The following SERPING1 variants were observed in gnomAD, a reference collection of about 807,000 sequenced individuals.
SERPING1 encodes plasma protease C1 inhibitor.
In SERPING1, 5 loss-of-function variants were observed where a neutral mutation model predicts 34.1. The ratio of observed to expected loss-of-function variants is 0.15; its 90% CI spans 0.08 to 0.31. The LOEUF (loss-of-function observed/expected upper bound fraction) is 0.31, where lower values mean the gene tolerates loss of function less well. SERPING1 is among the 10% of genes least tolerant of loss of function. The pLI, the probability that SERPING1 is intolerant of heterozygous loss-of-function variation, is 1.00. For missense variants in SERPING1, 505 were observed against 609.5 expected, an observed-to-expected ratio of 0.83 and a Z score of 1.81; for synonymous variants, 225 against 242.4, an observed-to-expected ratio of 0.93 and a Z score of 0.67.
In SERPING1 at chr11:57,599,886, C is replaced by T. The variant is rs750953819; in HGVS notation, c.59C>T (p.Ala20Val). ...LLLLLLAGDRASSNPNATSSS... is the reference protein window; with the variant it reads ...LLLLLLAGDRVSSNPNATSSS... ...CAGTTTCTTGAACCACAGGATAGAG[C>T]CTCCTCAAATCCAAATGCTACCAGC... is the stretch of plus-strand genomic sequence containing the variant. Residue 20 changes from alanine to valine, a missense_variant, in exon 3 of 8, where the codon GCC becomes GTC. Transcript: ENST00000278407. 1.9e-6 allele frequency: 3 copies of T among 1,614,178 alleles called. No homozygotes were observed. In the East Asian group the frequency reaches 6.7e-5, roughly 36 times the overall value.
chr11:57,607,558 C>A (rs973648185), intron 6 of SERPING1, among the ~76,000 whole-genome samples: 2 of 152,122 alleles, frequency 1.3e-5, no homozygotes, highest in African/African-American at 2.4e-5. Context: ...TAGAACAATG[C>A]CTCCTATCAT....
At position 57,602,478 on chromosome 11, in the gene SERPING1, T is replaced by C. The variant is rs564582549; in HGVS notation, c.685+309T>C. ...AAGATTAAGAAGCAGAAAGCCAGGC[T>C]GGGCGTGGTGGCTCACACCTGTAAT... On this transcript the variant is annotated intron_variant, in intron 4 of 7. Transcript: ENST00000278407. Among the ~76,000 whole-genome samples the C allele has an allele frequency of 4.8e-4, 73 of 152,246 alleles. 1 individual carries two copies. The highest frequency in any genetic ancestry group is 3.9e-3 in the Admixed American group (59 of 15,296).
In SERPING1 at chr11:57,602,105, C is replaced by T; in HGVS notation, c.621C>T (p.His207=). ...ACCCCAAGGACTTCACCTGTGTCCA[C>T]CAGGCCCTGAAGGGCTTCACGACCA... ...LSYPKDFTCV[H]QALKGFTTKG... Residue 207 remains histidine, a synonymous_variant, in exon 4 of 8, where the codon CAC becomes CAT. Transcript: ENST00000278407. 6.2e-7 allele frequency: 1 copy of T among 1,614,162 alleles called. No homozygotes were observed. Among genetic ancestry groups the T allele is most frequent in the Non-Finnish European group, 8.5e-7 (1 of 1,180,008 alleles).
intron 6 of SERPING1, among the ~76,000 whole-genome samples, chr11:57,608,755 G>A (rs892280852): frequency 6.6e-5 from 10 of 150,570 alleles, no homozygotes; most frequent in African/African-American, 1.7e-4. Flanking sequence ...TCAAGTGCTC[G>A]TCCGTCTTCG....
At chr11:57,599,838 C>T (rs907955363) in intron 2 of SERPING1, 41 bp from the exon 3 acceptor site, 18 of 1,613,808 alleles carry the variant, frequency 1.1e-5, no homozygotes, top group Middle Eastern at 1.6e-4. Context: ...GACTGTGCCT[C>T]GTAGTAAGAA....
At chr11:57,612,293 C>T (rs1175177094) in intron 7 of SERPING1, among the ~76,000 whole-genome samples, 2 of 152,150 alleles carry the variant, frequency 1.3e-5, no homozygotes, top group African/African-American at 4.8e-5. Context: ...TGCTCCTTCC[C>T]CAGACACATT....
At chr11:57,604,329 G>A (rs1321422727) in intron 4 of SERPING1, among the ~76,000 whole-genome samples, 1 of 152,014 alleles carries the variant, frequency 6.6e-6, no homozygotes, top group African/African-American at 2.4e-5. Flanking sequence ...TTATTAAGTA[G>A]GTAATAATGA....
chr11:57,598,335 T>A lies in SERPING1; in HGVS notation c.51+14T>A. 6.4e-7 allele frequency: 1 copy of A among 1,555,518 alleles called. No homozygotes were observed. The highest frequency in any genetic ancestry group is 8.7e-7 in the Non-Finnish European group (1 of 1,152,578). On this transcript the variant is annotated intron_variant, in intron 2 of 7. Transcript: ENST00000278407. ...CTGCTGGCTGGGGTATGTGGTCCCT[T>A]GTGGGATGGGGGACGGGGGTGGAGA...
chr11:57,601,422 C>T (rs75050359), intron 3 of SERPING1, among the ~76,000 whole-genome samples: 1 of 149,792 alleles, frequency 6.7e-6, no homozygotes, highest in Admixed American at 6.7e-5. Flanking sequence ...AAGAAGCAGC[C>T]TAGTGTCTGA....
In SERPING1 at chr11:57,611,632, A is replaced by G. The variant is rs1945476805; in HGVS notation, c.1030-85A>G. ...GTTGAAATACAGACTGTGGGAGCAG[A>G]CTGCAGGACAGCATTGTGACAGAGG... On this transcript the variant is annotated intron_variant, in intron 6 of 7. Transcript: ENST00000278407. 1.1e-5 allele frequency: 13 copies of G among 1,228,712 alleles called. No individual in the cohort carries two copies. In the East Asian group the frequency reaches 2.8e-4, roughly 26 times the overall value. 76.1% of individuals were successfully genotyped at this position (1,228,712 alleles called of 1,614,324 possible). A position where few individuals can be genotyped will look rare whatever the true frequency, so the allele number is the denominator to read the frequency against.
Position 57,600,311 on chromosome 11 carries a change from A to G in SERPING1, c.484A>G (p.Lys162Glu). ...CTACCACGCCTTCTCAGCAATGAAG[A>G]AGGTGGAGACCAACATGGCCTTTTC... ...KLYHAFSAMK[K>E]VETNMAFSPF... Residue 162 changes from lysine (K) to glutamate (E), a missense_variant, in exon 3 of 8, where the codon AAG becomes GAG. By Grantham distance (56) the Lys-to-Glu change is moderately conservative. Coordinates refer to ENST00000278407, the MANE Select transcript of SERPING1 (RefSeq NM_000062.3). 6.2e-7 allele frequency: 1 copy of G among 1,613,736 alleles called. No homozygotes were observed. The highest frequency in any genetic ancestry group is 2.2e-5 in the East Asian group (1 of 44,880).
intron 2 of SERPING1, 110 bp from the exon 3 acceptor site, chr11:57,599,769 T>C (rs1008047456): frequency 2.0e-6 from 3 of 1,494,516 alleles, no homozygotes; most frequent in African/African-American, 2.8e-5. Flanking sequence ...GAAATTACTC[T>C]CTTGTACAGG....
At chr11:57,605,692 A>T in intron 4 of SERPING1, 1 of 387,210 alleles carries the variant, frequency 2.6e-6, no homozygotes, top group South Asian at 2.3e-5. Context: ...CCGTGCCAAA[A>T]TTAAGGGAAG....
intron 2 of SERPING1, among the ~76,000 whole-genome samples, chr11:57,598,648 G>A (rs1376787716): frequency 6.6e-6 from 1 of 152,176 alleles, no homozygotes; most frequent in Non-Finnish European, 1.5e-5. Flanking sequence ...AGGCTTGGCA[G>A]GAGGATCACA....
rs78364821 is a variant in SERPING1 at position 57,603,269 on chromosome 11, C to T, written c.685+1100C>T. Among the ~76,000 whole-genome samples, 32,005 of 151,062 alleles carry T rather than the reference C, an allele frequency of 0.21. 3,792 individuals are homozygous for T. The highest frequency in any genetic ancestry group is 0.27 in the Non-Finnish European group (18,362 of 67,736). On this transcript the variant is annotated intron_variant, in intron 4 of 7. Coordinates refer to ENST00000278407, the MANE Select transcript of SERPING1 (RefSeq NM_000062.3). The stretch of plus-strand genomic sequence containing the variant: ...AAAGGAAGAAAGAAAAAAGGCCAGG[C>T]GCGGTGACTCACGCCTGTAATCGCA...
chr11:57,609,725 C>T (rs1945457958), intron 6 of SERPING1, among the ~76,000 whole-genome samples: 1 of 152,130 alleles, frequency 6.6e-6, no homozygotes, highest in African/African-American at 2.4e-5. Context: ...TTTAAGCTCC[C>T]TTTAAAAATT....
At chr11:57,599,778 G>C in intron 2 of SERPING1, 101 bp from the exon 3 acceptor site, 1 of 1,535,712 alleles carries the variant, frequency 6.5e-7, no homozygotes, top group East Asian at 2.2e-5. Context: ...CTCTTGTACA[G>C]GACATTTTCC....
chr11:57,605,845 T>C, intron 4 of SERPING1, 165 bp from the exon 5 acceptor site: 1 of 738,046 alleles, frequency 1.4e-6, no homozygotes. Flanking sequence ...TCTTTGGGCC[T>C]TATTTGCCAC....
chr11:57,612,193 C>G (rs1182353665), intron 7 of SERPING1, among the ~76,000 whole-genome samples: 2 of 152,078 alleles, frequency 1.3e-5, no homozygotes, highest in African/African-American at 4.8e-5. Context: ...GAACACCGAC[C>G]CAGGTCTCCA....
Sources: gnomAD v4.1 joint callset for allele counts (sites outside exome capture counted in the v4.1 genomes callset) on GRCh38, gnomAD v4.1.1 for gene constraint, MANE v1.5 for transcripts, NCBI Gene and HGNC (gene_info 2026-07-23, HGNC 2026-07-21) for gene names.